COMMD10: variants seen among roughly 807,000 people sequenced by gnomAD.
COMMD10 encodes the protein COMM domain containing 10.
Under a neutral mutation model 28.9 loss-of-function variants are expected in COMMD10, and 33 were observed. That is an observed-to-expected ratio of 1.14 (90% CI 0.87 to 1.53). The LOEUF is 1.53. Ranked by LOEUF, COMMD10 falls within the 40% of genes most tolerant of loss-of-function variation. COMMD10 has a pLI of 0.00. For synonymous variants in COMMD10, 110 were observed against 81.7 expected, an observed-to-expected ratio of 1.35 and a Z score of -1.87; for missense variants, 310 against 233.4, an observed-to-expected ratio of 1.33 and a Z score of -2.14.
intron 5 of COMMD10, among the ~76,000 whole-genome samples, chr5:116,181,362 G>A (rs945540036): frequency 5.3e-5 from 8 of 150,496 alleles, no homozygotes; most frequent in African/African-American, 2.0e-4. Context: ...CCAAGATTAT[G>A]CTTTATATCT....
intron 4 of COMMD10, among the ~76,000 whole-genome samples, chr5:116,096,215 A>T (rs1313264772): frequency 6.6e-6 from 1 of 152,026 alleles, no homozygotes; most frequent in East Asian, 1.9e-4. Context: ...CTCCTTAATA[A>T]GTATTGAGTA....
chr5:116,275,501 C>G lies in COMMD10; in HGVS notation c.511-16016C>G, dbSNP rs1369749326. On this transcript the variant is annotated intron_variant, in intron 5 of 6. Transcript: ENST00000274458. ...GGCAAAGTATGTCATTTTGTAACCT[C>G]AGTTTATTTGTCTCTATTGGACTCG... is the stretch of plus-strand genomic sequence containing the variant. Among the ~76,000 whole-genome samples, 5 of 151,748 alleles carry G rather than the reference C, an allele frequency of 3.3e-5. No individual in the cohort carries two copies. In the East Asian group the frequency reaches 9.7e-4, roughly 29 times the overall value.
At chr5:116,225,148 G>A (rs1002245864) in intron 5 of COMMD10, among the ~76,000 whole-genome samples, 3 of 151,744 alleles carry the variant, frequency 2.0e-5, no homozygotes, top group Non-Finnish European at 1.5e-5. Context: ...TTCTGTTTTT[G>A]TTGTTTCTTT....
chr5:116,220,708 T>C (rs1006296399), intron 5 of COMMD10, among the ~76,000 whole-genome samples: 1 of 152,178 alleles, frequency 6.6e-6, no homozygotes, highest in Non-Finnish European at 1.5e-5. Flanking sequence ...TGAAAAATTA[T>C]GTTTCTAAAT....
At chr5:116,250,350 AT>A (rs1750074629) in intron 5 of COMMD10, among the ~76,000 whole-genome samples, 1 of 151,742 alleles carries the variant, frequency 6.6e-6, no homozygotes, top group African/African-American at 2.4e-5. Flanking sequence ...AATATGAACA[AT>A]TTATATTGAA....
intron 5 of COMMD10, among the ~76,000 whole-genome samples, chr5:116,256,504 T>G (rs762981576): frequency 6.6e-6 from 1 of 151,740 alleles, no homozygotes; most frequent in Non-Finnish European, 1.5e-5. Flanking sequence ...GATTAATGGT[T>G]CTTGGATTTA....
intron 4 of COMMD10, among the ~76,000 whole-genome samples, chr5:116,109,156 A>C (rs140746610): frequency 5.2e-4 from 79 of 152,216 alleles, no homozygotes; most frequent in Non-Finnish European, 9.3e-4. Flanking sequence ...TCTTGCCAGC[A>C]TATCATCATA....
At chr5:116,128,569 A>G (rs1238018316) in intron 4 of COMMD10, among the ~76,000 whole-genome samples, 1 of 151,992 alleles carries the variant, frequency 6.6e-6, no homozygotes, top group Admixed American at 6.6e-5. Context: ...TTTATTTCAC[A>G]TGTAACTAAA....
At chr5:116,205,105 C>G (rs1004293906) in intron 5 of COMMD10, among the ~76,000 whole-genome samples, 3 of 152,132 alleles carry the variant, frequency 2.0e-5, no homozygotes, top group African/African-American at 7.2e-5. Flanking sequence ...CCTAGATGGT[C>G]ATGATCTGGT....
rs560989704 is a variant in COMMD10, at chr5:116,138,688, T to C, written c.510+4510T>C. ...ACAGTAGAATTTTTATTTATCTTAA[T>C]GTTAAATTAGATTATAATCAGATTG... On this transcript the variant is annotated intron_variant, in intron 5 of 6. Coordinates refer to ENST00000274458, the MANE Select transcript of COMMD10 (RefSeq NM_016144.4). 1.6e-4 allele frequency among the ~76,000 whole-genome samples: 24 copies of C among 151,858 alleles called. 1 individual carries two copies. In the South Asian group the frequency reaches 5.0e-3, roughly 31 times the overall value.
At position 116,105,078 on chromosome 5, in the gene COMMD10, A is replaced by G. The variant is rs541958579; in HGVS notation, c.399+12378A>G. Among the ~76,000 whole-genome samples, 39 of 152,170 alleles carry G rather than the reference A, an allele frequency of 2.6e-4. No homozygotes were observed. The South Asian group carries it at 7.9e-3, about 31-fold the overall frequency. On this transcript the variant is annotated intron_variant, in intron 4 of 6. Transcript: ENST00000274458. ...TTCCAGTTTTTGCCCATACAGTATG[A>G]TATTGGTTGTGGGTTGTCATGAATA...
At chr5:116,285,164 C>G (rs1295142174) in intron 5 of COMMD10, among the ~76,000 whole-genome samples, 1 of 151,806 alleles carries the variant, frequency 6.6e-6, no homozygotes, top group African/African-American at 2.4e-5. Context: ...TTTGTAAGAC[C>G]TGAAACAAGA....
chr5:116,207,742 T>A (rs980287112), intron 5 of COMMD10, among the ~76,000 whole-genome samples: 4 of 152,104 alleles, frequency 2.6e-5, no homozygotes, highest in African/African-American at 9.7e-5. Context: ...GCCAGGCTAG[T>A]CTCTAACTCC....
intron 5 of COMMD10, among the ~76,000 whole-genome samples, chr5:116,262,083 A>G (rs1750463107): frequency 6.6e-6 from 1 of 151,662 alleles, no homozygotes; most frequent in African/African-American, 2.4e-5. Context: ...GGCCACACTA[A>G]TAAGTGGTAG....
intron 5 of COMMD10, among the ~76,000 whole-genome samples, chr5:116,203,427 A>T (rs1453965646): frequency 1.3e-5 from 2 of 152,118 alleles, no homozygotes; most frequent in East Asian, 1.9e-4. Context: ...CAACTCCGAG[A>T]CACATAATTG....
intron 5 of COMMD10, among the ~76,000 whole-genome samples, chr5:116,234,553 T>C (rs1025208853): frequency 6.6e-6 from 1 of 152,144 alleles, no homozygotes; most frequent in African/African-American, 2.4e-5. Context: ...TCATGAATGA[T>C]GTAGACTGCT....
intron 5 of COMMD10, among the ~76,000 whole-genome samples, chr5:116,173,557 A>C (rs766217982): frequency 1.3e-5 from 2 of 152,126 alleles, no homozygotes; most frequent in Non-Finnish European, 2.9e-5. Flanking sequence ...AAAAAAGACT[A>C]TTTCATCCTC....
At chr5:116,183,685 A>G (rs751418773) in intron 5 of COMMD10, among the ~76,000 whole-genome samples, 15 of 152,146 alleles carry the variant, frequency 9.9e-5, no homozygotes, top group Non-Finnish European at 1.6e-4. Context: ...ACACTGACAC[A>G]GAGTAACCAT....
At chr5:116,249,189 CAAAT>C (rs1207726672) in intron 5 of COMMD10, among the ~76,000 whole-genome samples, 1 of 151,846 alleles carries the variant, frequency 6.6e-6, no homozygotes, top group Non-Finnish European at 1.5e-5. Context: ...TTTCAGATAA[CAAAT>C]AATTGCAAAG....
Sources: allele counts gnomAD v4.1 joint callset (sites outside exome capture counted in the v4.1 genomes callset), GRCh38; gene constraint gnomAD v4.1.1; transcripts MANE v1.5; gene names NCBI Gene and HGNC (gene_info 2026-07-23, HGNC 2026-07-21).